Variants in JHY observed in about 807,000 individuals in gnomAD.
The protein encoded by JHY is junctional cadherin complex regulator.
In JHY, 69 loss-of-function variants were observed where a neutral mutation model predicts 78.0. The ratio of observed to expected loss-of-function variants is 0.88; its 90% CI spans 0.73 to 1.08. The LOEUF (loss-of-function observed/expected upper bound fraction) is 1.08, where lower values mean the gene tolerates loss of function less well. JHY is among the 50% of genes least tolerant of loss of function. The pLI is 0.00. For synonymous variants in JHY, 368 were observed against 342.6 expected, an observed-to-expected ratio of 1.07 and a Z score of -0.82; for missense variants, 944 against 927.8, an observed-to-expected ratio of 1.02 and a Z score of -0.23.
In JHY at chr11:122,937,148, A is replaced by C. The variant is rs539498611; in HGVS notation, c.1634+2073A>C. Among the ~76,000 whole-genome samples, 229 of 152,198 alleles carry C rather than the reference A, an allele frequency of 1.5e-3. 1 individual carries two copies. Among genetic ancestry groups the C allele is most frequent in the African/African-American group, 5.3e-3 (219 of 41,542 alleles). The stretch of plus-strand genomic sequence containing the variant: ...AAAAATTTTCCTTTTATGCTGTCTT[A>C]AAATGTACTGTCATAAAGCTTTTTG... On this transcript the variant is annotated intron_variant, in intron 5 of 8. Coordinates refer to ENST00000227349, the MANE Select transcript of JHY (RefSeq NM_024806.4).
At chr11:122,894,816 T>A (rs1391139910) in intron 2 of JHY, among the ~76,000 whole-genome samples, 1 of 152,234 alleles carries the variant, frequency 6.6e-6, no homozygotes, top group Non-Finnish European at 1.5e-5. Context: ...TAAATAAAAT[T>A]CACTAAATAA....
intron 4 of JHY, 103 bp downstream of exon 4, chr11:122,925,113 C>T: frequency 3.3e-6 from 3 of 917,496 alleles, no homozygotes; most frequent in Non-Finnish European, 5.0e-6. Context: ...ATTTTTATGC[C>T]TGAGAATAAT....
At chr11:122,911,375 T>C (rs1375056942) in intron 3 of JHY, among the ~76,000 whole-genome samples, 1 of 152,186 alleles carries the variant, frequency 6.6e-6, no homozygotes, top group African/African-American at 2.4e-5. Context: ...TAACACATCT[T>C]TGTGGCTGTT....
At chr11:122,938,982 T>G (rs11218895) in intron 5 of JHY, among the ~76,000 whole-genome samples, 57,241 of 149,914 alleles carry the variant, frequency 0.38, 11,420 homozygotes, top group African/African-American at 0.44. Context: ...TCCGCCTGCT[T>G]CTTCTTTTTT....
chr11:122,912,974 C>T (rs1036340639), intron 3 of JHY, among the ~76,000 whole-genome samples: 1 of 152,084 alleles, frequency 6.6e-6, no homozygotes, highest in Non-Finnish European at 1.5e-5. Flanking sequence ...GAAGATTCCA[C>T]CCAGGGAAGA....
In JHY at chr11:122,886,135, G is replaced by A; in HGVS notation, c.286G>A (p.Ala96Thr). ...HEMEEEASGK[A>T]AQMAREQNHH... is the part of the protein sequence containing the mutation. Reference sequence around the variant, plus strand: ...GATGGAAGAGGAAGCAAGTGGAAAAGCAGCTCAGATGGCTCGCGAGCAAAA... The same window carrying A: ...GATGGAAGAGGAAGCAAGTGGAAAAACAGCTCAGATGGCTCGCGAGCAAAA... The change falls in exon 2 of 9, where the codon GCA (alanine) becomes ACA (threonine). Residue 96 changes from alanine (A) to threonine (T), a missense_variant. Physicochemically the swap from Ala to Thr is moderately conservative, Grantham distance 58. Transcript: ENST00000227349. 6.2e-7 allele frequency: 1 copy of A among 1,614,166 alleles called. No homozygotes were observed. Among genetic ancestry groups the A allele is most frequent in the Non-Finnish European group, 8.5e-7 (1 of 1,180,024 alleles).
At position 122,934,427 on chromosome 11, in the gene JHY, A is replaced by G; in HGVS notation, c.986A>G (p.Gln329Arg). The change falls in exon 5 of 9, where the codon CAG becomes CGG. Residue 329 changes from glutamine to arginine, a missense_variant. By Grantham distance (43) the Gln-to-Arg change is conservative. Coordinates refer to ENST00000227349, the MANE Select transcript of JHY (RefSeq NM_024806.4). ...CCAAAAATATCTCTTTAGAATTACC[A>G]GGAACACTGGTCTCAATATGAAAGT... ...HQRAQQLKNY[Q>R]EHWSQYESTK... 1.9e-6 allele frequency: 3 copies of G among 1,594,246 alleles called. No homozygotes were observed. The highest frequency in any genetic ancestry group is 2.6e-6 in the Non-Finnish European group (3 of 1,168,094).
In JHY at chr11:122,958,077, C is replaced by T. The variant is rs188940947; in HGVS notation, c.2139+586C>T. Among the ~76,000 whole-genome samples the T allele has an allele frequency of 3.6e-3, 545 of 152,312 alleles. 3 individuals are homozygous for T. The highest frequency in any genetic ancestry group is 6.7e-3 in the African/African-American group (278 of 41,576). ...TGTTTCTCTCAACTTCATTCCCCTA[C>T]ACTCTCCATAGGGATTGTAATATAT... is the stretch of plus-strand genomic sequence containing the variant. On this transcript the variant is annotated intron_variant, in intron 8 of 8. Coordinates refer to ENST00000227349, the MANE Select transcript of JHY (RefSeq NM_024806.4).
At chr11:122,912,139 T>A (rs1449723410) in intron 3 of JHY, among the ~76,000 whole-genome samples, 2 of 151,334 alleles carry the variant, frequency 1.3e-5, no homozygotes, top group African/African-American at 4.9e-5. Context: ...ATACAAAACT[T>A]AGCTGGGCCT....
intron 2 of JHY, among the ~76,000 whole-genome samples, chr11:122,893,161 A>G (rs1490315099): frequency 6.6e-6 from 1 of 152,146 alleles, no homozygotes; most frequent in African/African-American, 2.4e-5. Context: ...GGGAGTAGCT[A>G]CTAGTATTTA....
Position 122,948,526 on chromosome 11 carries a change from A to G in JHY, c.1929+1734A>G, listed in dbSNP as rs1305882344. On this transcript the variant is annotated intron_variant, in intron 6 of 8. Coordinates refer to ENST00000227349, the MANE Select transcript of JHY (RefSeq NM_024806.4). The stretch of plus-strand genomic sequence containing the variant: ...AGATGCTGGGATGTAAAGATGAGCT[A>G]TGACCCCTCCTCAGAGGAAGCTTCC... Among the ~76,000 whole-genome samples, 4 of 151,394 alleles carry G rather than the reference A, an allele frequency of 2.6e-5. No individual in the cohort carries two copies. The South Asian group carries it at 6.2e-4, about 24-fold the overall frequency.
intron 5 of JHY, among the ~76,000 whole-genome samples, chr11:122,943,459 C>T (rs1012077493): frequency 5.9e-5 from 9 of 152,114 alleles, no homozygotes; most frequent in East Asian, 1.9e-4. Context: ...ATTCTATGTA[C>T]GAGTAGGCTT....
At chr11:122,943,444 C>CTGAT in intron 5 of JHY, among the ~76,000 whole-genome samples, 1 of 152,266 alleles carries the variant, frequency 6.6e-6, no homozygotes, top group Admixed American at 6.5e-5. Flanking sequence ...ATTCTATATA[C>CTGAT]TTACATTCTA....
chr11:122,952,188 T>C (rs1357229903), intron 6 of JHY, among the ~76,000 whole-genome samples: 1 of 152,092 alleles, frequency 6.6e-6, no homozygotes, highest in Non-Finnish European at 1.5e-5. Flanking sequence ...ACAGGATTTC[T>C]TTTCAGGGTG....
Position 122,961,946 on chromosome 11 carries a change from A to G in JHY, c.*2501A>G, listed in dbSNP as rs1256376757. On this transcript the variant is annotated 3_prime_UTR_variant, in exon 9 of 9. Transcript: ENST00000227349. ...TAATGCAGGCAACTCTGAGAGACAC[A>G]CTTTATCAAAGCTCCTTACTCCAAG... Among the ~76,000 whole-genome samples the G allele has an allele frequency of 6.6e-6, 1 of 152,190 alleles. No homozygotes were observed. The highest frequency in any genetic ancestry group is 1.9e-4 in the East Asian group (1 of 5,196).
chr11:122,928,726 G>C (rs1382885246), intron 4 of JHY, among the ~76,000 whole-genome samples: 1 of 146,214 alleles, frequency 6.8e-6, no homozygotes, highest in Non-Finnish European at 1.5e-5. Context: ...TCGGCTCACT[G>C]CAAGCTCCGT....
rs77359185 is a variant in JHY, at chr11:122,945,995, A to G, written c.1635-503A>G. ...TTAGTTCTGATTCCCTGCCTCACACAGGACCAAGATCTTGCATATCCTATA... is the reference window on the plus strand; with the variant it reads ...TTAGTTCTGATTCCCTGCCTCACACGGGACCAAGATCTTGCATATCCTATA... On this transcript the variant is annotated intron_variant, in intron 5 of 8. Coordinates refer to ENST00000227349, the MANE Select transcript of JHY (RefSeq NM_024806.4). 3.3e-5 allele frequency among the ~76,000 whole-genome samples: 5 copies of G among 152,328 alleles called. No individual in the cohort carries two copies. In the East Asian group the frequency reaches 9.7e-4, roughly 29 times the overall value.
chr11:122,886,157 A>G lies in JHY; in HGVS notation c.308A>G (p.Gln103Arg). The G allele has an allele frequency of 6.2e-7, 1 of 1,613,914 alleles. No homozygotes were observed. Among genetic ancestry groups the G allele is most frequent in the Non-Finnish European group, 8.5e-7 (1 of 1,179,836 alleles). The change falls in exon 2 of 9, where the codon CAA (glutamine) becomes CGA (arginine). Residue 103 changes from glutamine to arginine, a missense_variant. Coordinates refer to ENST00000227349, the MANE Select transcript of JHY (RefSeq NM_024806.4). ...AAAGCAGCTCAGATGGCTCGCGAGC[A>G]AAACCACCATACCTGGGACCAGGGC... Reference protein sequence around the residue: ...SGKAAQMAREQNHHTWDQGAN... With the variant: ...SGKAAQMARERNHHTWDQGAN...
At chr11:122,892,684 T>G (rs1340756990) in intron 2 of JHY, among the ~76,000 whole-genome samples, 1 of 152,154 alleles carries the variant, frequency 6.6e-6, no homozygotes, top group Non-Finnish European at 1.5e-5. Context: ...TGTGTGTTGT[T>G]TCTGATTAAT....
Sources: gnomAD v4.1 joint callset for allele counts (sites outside exome capture counted in the v4.1 genomes callset) on GRCh38, gnomAD v4.1.1 for gene constraint, MANE v1.5 for transcripts, NCBI Gene and HGNC (gene_info 2026-07-23, HGNC 2026-07-21) for gene names.